The following RB1 variants were observed in gnomAD, a reference collection of about 807,000 sequenced individuals.
RB1 encodes the protein RB transcriptional corepressor 1, also known as retinoblastoma-associated protein.
A neutral mutation model predicts 135.4 loss-of-function variants in RB1; 18 were observed. The ratio of observed to expected loss-of-function variants is 0.13; its 90% CI spans 0.09 to 0.20. The LOEUF (loss-of-function observed/expected upper bound fraction) is 0.20, where lower values mean the gene tolerates loss of function less well. Among genes scored for constraint, RB1 ranks in the 10% least tolerant of loss-of-function variants. The pLI is 1.00. For missense variants in RB1, 868 were observed against 1,110.0 expected, an observed-to-expected ratio of 0.78 and a Z score of 3.10; for synonymous variants, 365 against 373.2, an observed-to-expected ratio of 0.98 and a Z score of 0.25.
At chr13:48,423,557 G>A (rs2854344) in intron 17 of RB1, among the ~76,000 whole-genome samples, 6,217 of 152,146 alleles carry the variant, frequency 0.041, 200 homozygotes, top group Non-Finnish European at 0.065. Flanking sequence ...ATAAGACACC[G>A]TGTTCTTTTA....
At chr13:48,439,407 G>C (rs568178100) in intron 17 of RB1, among the ~76,000 whole-genome samples, 1 of 152,172 alleles carries the variant, frequency 6.6e-6, no homozygotes, top group African/African-American at 2.4e-5. Flanking sequence ...GAATCATGAA[G>C]TATAAGGTAA....
intron 11 of RB1, among the ~76,000 whole-genome samples, chr13:48,369,503 C>G (rs2138124863): frequency 6.6e-6 from 1 of 152,314 alleles, no homozygotes; most frequent in East Asian, 1.9e-4. Flanking sequence ...TGCTGTTAAA[C>G]CCACTGACTG....
intron 17 of RB1, among the ~76,000 whole-genome samples, chr13:48,388,150 A>G (rs1226164285): frequency 6.6e-6 from 1 of 152,236 alleles, no homozygotes; most frequent in Non-Finnish European, 1.5e-5. Context: ...TAAAGTACTT[A>G]AAACAATATC....
intron 1 of RB1, among the ~76,000 whole-genome samples, chr13:48,305,317 A>G (rs1952071939): frequency 6.6e-6 from 1 of 152,226 alleles, no homozygotes; most frequent in South Asian, 2.1e-4. Flanking sequence ...ATTTAAATGG[A>G]CTGTCTTATA....
intron 24 of RB1, chr13:48,476,477 C>T (rs1253967795): frequency 1.0e-5 from 5 of 491,832 alleles, no homozygotes; most frequent in Admixed American, 9.9e-5. Flanking sequence ...TGGGAAAAGA[C>T]AGGAGGATTT....
chr13:48,354,005 AG>A (rs2138100237), intron 6 of RB1, among the ~76,000 whole-genome samples: 1 of 152,298 alleles, frequency 6.6e-6, no homozygotes, highest in African/African-American at 2.4e-5. Flanking sequence ...AAAAATTGAA[AG>A]CCTTTCCTCT....
At chr13:48,447,999 A>G (rs1359343684) in intron 17 of RB1, among the ~76,000 whole-genome samples, 1 of 152,192 alleles carries the variant, frequency 6.6e-6, no homozygotes, top group African/African-American at 2.4e-5. Flanking sequence ...CTTAAGTCCT[A>G]TTAATCACAC....
intron 23 of RB1, 76 bp from the exon 24 acceptor site, chr13:48,473,284 G>A: frequency 8.8e-7 from 1 of 1,132,806 alleles, no homozygotes; most frequent in Non-Finnish European, 1.3e-6. Context: ...AGTTCAGAAT[G>A]ATGTATTTAT....
chr13:48,475,979 A>G (rs575059076), intron 24 of RB1, among the ~76,000 whole-genome samples: 2 of 152,348 alleles, frequency 1.3e-5, no homozygotes, highest in South Asian at 2.1e-4. Flanking sequence ...ATGTACTTCC[A>G]TATCTTAAAG....
chr13:48,339,124 A>G (rs7329351), intron 2 of RB1, among the ~76,000 whole-genome samples: 5,047 of 152,258 alleles, frequency 0.033, 283 homozygotes, highest in African/African-American at 0.11. Context: ...GGGGTCAGGG[A>G]CCCACTTGAG....
At chr13:48,338,521 C>T (rs561977818) in intron 2 of RB1, among the ~76,000 whole-genome samples, 17 of 152,320 alleles carry the variant, frequency 1.1e-4, no homozygotes, top group Middle Eastern at 3.4e-3. Flanking sequence ...CCATGGTTTT[C>T]AGCTCCATCA....
chr13:48,316,881 C>T, intron 2 of RB1: 1 of 332,474 alleles, frequency 3.0e-6, no homozygotes, highest in Non-Finnish European at 6.0e-6. Context: ...TGAGCTGCCG[C>T]CACTGTCCTC....
chr13:48,318,057 TG>T, intron 2 of RB1: 1 of 533,522 alleles, frequency 1.9e-6, no homozygotes. Context: ...TGGCATTCCC[TG>T]GGGAAATGGA....
At position 48,396,988 on chromosome 13, in the gene RB1, G is replaced by A. The variant is rs183295281; in HGVS notation, c.1695+15545G>A. 2.9e-3 allele frequency among the ~76,000 whole-genome samples: 444 copies of A among 152,276 alleles called. 2 individuals carry two copies. Among genetic ancestry groups the A allele is most frequent in the African/African-American group, 0.01 (422 of 41,548 alleles). ...TAGAATGGTGATCATTAAAAAGTCA[G>A]GAAACAACAGATGCTGGAGAGGCTG... On this transcript the variant is annotated intron_variant, in intron 17 of 26. Coordinates refer to ENST00000267163, the MANE Select transcript of RB1 (RefSeq NM_000321.3).
At chr13:48,305,192 A>C (rs994797116) in intron 1 of RB1, among the ~76,000 whole-genome samples, 61 of 152,272 alleles carry the variant, frequency 4.0e-4, no homozygotes, top group African/African-American at 1.4e-3. Flanking sequence ...TCTATCACCA[A>C]ATCCTTTCAC....
intron 12 of RB1, among the ~76,000 whole-genome samples, chr13:48,374,338 C>G (rs1039100792): frequency 7.9e-5 from 12 of 152,124 alleles, no homozygotes; most frequent in African/African-American, 2.9e-4. Context: ...AGGATTGGGA[C>G]CCACTGAAAT....
At position 48,451,997 on chromosome 13, in the gene RB1, C is replaced by A. The variant is rs148474621; in HGVS notation, c.1696-996C>A. Among the ~76,000 whole-genome samples, 1,281 of 151,294 alleles carry A rather than the reference C, an allele frequency of 8.5e-3. 15 individuals are homozygous for A. The highest frequency in any genetic ancestry group is 0.03 in the African/African-American group (1,238 of 41,220). On this transcript the variant is annotated intron_variant, in intron 17 of 26. Transcript: ENST00000267163. ...TTCTGATTGCGTTTATTCCATTCTT[C>A]TTTCTTTCCTTCTATATTAGTCTAG...
intron 8 of RB1, among the ~76,000 whole-genome samples, chr13:48,364,374 C>T (rs911382853): frequency 2.6e-5 from 4 of 152,110 alleles, no homozygotes; most frequent in South Asian, 2.1e-4. Context: ...CTGTTTCAGG[C>T]GGACGATTTT....
At chr13:48,449,281 C>A (rs1949310798) in intron 17 of RB1, among the ~76,000 whole-genome samples, 1 of 152,140 alleles carries the variant, frequency 6.6e-6, no homozygotes, top group Non-Finnish European at 1.5e-5. Context: ...ACTCTGAGCA[C>A]CTGGATGAGG....
Sources: allele counts gnomAD v4.1 joint callset (sites outside exome capture counted in the v4.1 genomes callset), GRCh38; gene constraint gnomAD v4.1.1; transcripts MANE v1.5; gene names NCBI Gene and HGNC (gene_info 2026-07-23, HGNC 2026-07-21).